The following SHC2 variants were observed in gnomAD, a reference collection of about 807,000 sequenced individuals.
The protein encoded by SHC2 is SHC-transforming protein 2.
Under a neutral mutation model 60.6 loss-of-function variants are expected in SHC2, and 62 were observed. That is an observed-to-expected ratio of 1.02 (90% CI 0.83 to 1.26). The LOEUF (loss-of-function observed/expected upper bound fraction) is 1.26. Among genes scored for constraint, SHC2 ranks in the 50% most tolerant of loss-of-function variants. The pLI is 0.00. For synonymous variants in SHC2, 375 were observed against 372.4 expected, an observed-to-expected ratio of 1.01 and a Z score of -0.08; for missense variants, 873 against 822.2, an observed-to-expected ratio of 1.06 and a Z score of -0.76.
chr19:439,191 G>C (rs1974795972), intron 2 of SHC2, 161 bp from the exon 3 acceptor site: 1 of 281,044 alleles, frequency 3.6e-6, no homozygotes, highest in Admixed American at 4.8e-5. Flanking sequence ...GGGTGGGAGA[G>C]GATCAGGGGG....
intron 4 of SHC2, 55 bp from the exon 5 acceptor site, chr19:436,738 GC>G (rs756179480): frequency 6.6e-7 from 1 of 1,526,466 alleles, no homozygotes. Context: ...AGGGCAGGGG[GC>G]CCGGCAGATG....
rs1434392249 is a variant in SHC2 at position 445,965 on chromosome 19, G to A, written c.469-5033C>T. Among the ~76,000 whole-genome samples, 1 of 151,974 alleles carries A rather than the reference G, an allele frequency of 6.6e-6. No homozygotes were observed. Among genetic ancestry groups the A allele is most frequent in the Non-Finnish European group, 1.5e-5 (1 of 68,010 alleles). ...AGCTACTTGGGAGGCTGAGGCAGGA[G>A]AATCATTTGAACCCAGGAGGCGGAG... On this transcript the variant is annotated intron_variant, in intron 1 of 12. Transcript: ENST00000264554. This position sits in a 1 kb window ranked among gnomAD's most constrained non-coding sequence, Gnocchi z 4.4.
chr19:439,791 T>C (rs1974817376), intron 2 of SHC2, among the ~76,000 whole-genome samples: 1 of 152,048 alleles, frequency 6.6e-6, no homozygotes, highest in African/African-American at 2.4e-5. Flanking sequence ...TTGGGGAGGC[T>C]GAGACGGGCG....
At position 429,354 on chromosome 19, in the gene SHC2, A is replaced by G. The variant is rs536466906; in HGVS notation, c.1174+1330T>C. Among the ~76,000 whole-genome samples the G allele has an allele frequency of 1.7e-3, 236 of 140,288 alleles. 1 individual carries two copies. Among genetic ancestry groups the G allele is most frequent in the African/African-American group, 6.0e-3 (224 of 37,470 alleles). 92.0% of individuals were successfully genotyped at this position (140,288 alleles called of 152,430 possible). A position where few individuals can be genotyped will look rare whatever the true frequency, so the allele number is the denominator to read the frequency against. On this transcript the variant is annotated intron_variant, in intron 9 of 12. Transcript: ENST00000264554. ...GGATGACGCAGTACCTATACCCAAC[A>G]CGCACGGAAACCTAACACCGTGTGG...
At chr19:417,860 G>A (rs1405680151) in intron 12 of SHC2, among the ~76,000 whole-genome samples, 2 of 152,118 alleles carry the variant, frequency 1.3e-5, no homozygotes, top group South Asian at 2.1e-4. Context: ...GGGAGGGGCC[G>A]CCCAGGAGAG....
Position 434,702 on chromosome 19 carries a change from G to A in SHC2, c.1110+7C>T. ...CTGTCCCCATCCCCCCGAGGGCAGA[G>A]GCTGACCTGGTCGAGGGCCGTGAGG... On this transcript the variant is annotated splice_region_variant and intron_variant, in intron 8 of 12. Coordinates refer to ENST00000264554, the MANE Select transcript of SHC2 (RefSeq NM_012435.3). 6.2e-7 allele frequency: 1 copy of A among 1,607,818 alleles called. No homozygotes were observed. The highest frequency in any genetic ancestry group is 1.1e-5 in the South Asian group (1 of 90,578).
chr19:440,875 T>C lies in SHC2; in HGVS notation c.526A>G (p.Thr176Ala), dbSNP rs778521581. The C allele has an allele frequency of 6.2e-7, 1 of 1,612,718 alleles. No individual in the cohort carries two copies. ...TTGGAGGCTCACCTGGTCACCTGCGTGCGCGTGTTAAAGTCCAGGGAGCGC... is the reference window on the plus strand; with the variant it reads ...TTGGAGGCTCACCTGGTCACCTGCGCGCGCGTGTTAAAGTCCAGGGAGCGC... Reference protein sequence around the residue: ...SMRSLDFNTRTQVTREAINRL... With the variant: ...SMRSLDFNTRAQVTREAINRL... The change falls in exon 2 of 13, where the codon ACG (threonine) becomes GCG (alanine). Residue 176 changes from threonine (T) to alanine (A), a missense_variant. Physicochemically the swap from Thr to Ala is moderately conservative, Grantham distance 58. Transcript: ENST00000264554. This position sits in a 1 kb window ranked among gnomAD's most constrained non-coding sequence, Gnocchi z 7.0.
At chr19:427,698 G>A (rs374178744) in intron 9 of SHC2, among the ~76,000 whole-genome samples, 2 of 79,026 alleles carry the variant, frequency 2.5e-5, no homozygotes, top group Non-Finnish European at 2.3e-5. Flanking sequence ...TGCACACGGC[G>A]CAGGGAAGGG....
Position 460,826 on chromosome 19 carries a change from C to G in SHC2, c.171G>C (p.Ser57=), listed in dbSNP as rs1181360684. The stretch of plus-strand genomic sequence containing the variant: ...GCTCGGGTTGGGGGTCCGCGCCCCC[C>G]GAGGCCCCAGCCGCCCGCGCCGCCG... ...GPAAARAAGA[S]GGADPQPEPA... is the part of the protein sequence containing the mutation. Residue 57 remains serine (S), a synonymous_variant, in exon 1 of 13, where the codon TCG becomes TCC. Coordinates refer to ENST00000264554, the MANE Select transcript of SHC2 (RefSeq NM_012435.3). 1 of 981,734 alleles carries G rather than the reference C, an allele frequency of 1.0e-6. No homozygotes were observed. Among genetic ancestry groups the G allele is most frequent in the East Asian group, 1.2e-4 (1 of 8,686 alleles). 60.8% of individuals were successfully genotyped at this position (981,734 alleles called of 1,614,324 possible).
At position 453,849 on chromosome 19, in the gene SHC2, T is replaced by A. The variant is rs148966286; in HGVS notation, c.468+6680A>T. Among the ~76,000 whole-genome samples the A allele has an allele frequency of 6.6e-6, 1 of 152,176 alleles. No individual in the cohort carries two copies. Among genetic ancestry groups the A allele is most frequent in the African/African-American group, 2.4e-5 (1 of 41,446 alleles). On this transcript the variant is annotated intron_variant, in intron 1 of 12. Coordinates refer to ENST00000264554, the MANE Select transcript of SHC2 (RefSeq NM_012435.3). This position sits in a 1 kb window ranked among gnomAD's most constrained non-coding sequence, Gnocchi z 6.3. ...CCAGACACGCACAGGAAACTCTCCC[T>A]GAAGTGCTCACGAGGTGAGGTGCGT...
Position 434,818 on chromosome 19 carries a change from A to C in SHC2, c.1001T>G (p.Leu334Trp), listed in dbSNP as rs775831840. The change falls in exon 8 of 13, where the codon TTG becomes TGG. Residue 334 changes from leucine (L) to tryptophan (W), a missense_variant. By Grantham distance (61) the Leu-to-Trp change is moderately conservative (BLOSUM62 -2). Transcript: ENST00000264554. The part of the protein sequence containing the change: ...ESAWGDEEDS[L>W]EHNYYNSIPG... ...GATGCTGTTGTAGTAATTGTGCTCCAAAGAGTCCTCCTCGTCCCCCCAGGC... is the reference window on the plus strand; with the variant it reads ...GATGCTGTTGTAGTAATTGTGCTCCCAAGAGTCCTCCTCGTCCCCCCAGGC... 1 of 1,612,800 alleles carries C rather than the reference A, an allele frequency of 6.2e-7. No individual in the cohort carries two copies. The highest frequency in any genetic ancestry group is 1.1e-5 in the South Asian group (1 of 91,080).
At position 436,544 on chromosome 19, in the gene SHC2, T is replaced by A. The variant is rs552071144; in HGVS notation, c.774+86A>T. 35 of 1,583,258 alleles carry A rather than the reference T, an allele frequency of 2.2e-5. No homozygotes were observed. In the African/African-American group the frequency reaches 3.6e-4, roughly 16 times the overall value. On this transcript the variant is annotated intron_variant, in intron 5 of 12. Transcript: ENST00000264554. ...CAGTGGATGTGGGCACAGGGTACGT[T>A]AGGCGGGCTCTGGGGAAGGATGAGA...
In SHC2 at chr19:445,061, G is replaced by A. The variant is rs994461220; in HGVS notation, c.469-4129C>T. Among the ~76,000 whole-genome samples, 3 of 152,244 alleles carry A rather than the reference G, an allele frequency of 2.0e-5. No individual in the cohort carries two copies. Among genetic ancestry groups the A allele is most frequent in the African/African-American group, 7.2e-5 (3 of 41,458 alleles). On this transcript the variant is annotated intron_variant, in intron 1 of 12. Coordinates refer to ENST00000264554, the MANE Select transcript of SHC2 (RefSeq NM_012435.3). The surrounding 1 kb of genome is among the most constrained non-coding windows in gnomAD (Gnocchi z 4.4). ...GACCTCAGCTCACTGCATGTCCCAC[G>A]CTCCACGGCGCCCAGTGCTGCCGGC... is the stretch of plus-strand genomic sequence containing the variant.
In SHC2 at chr19:441,052, C is replaced by T; in HGVS notation, c.469-120G>A. ...TGGGGTCGAGCCCTTTCCTCTGTCC[C>T]TGGTGGCTCTGGGGCCGTCGTGCCT... On this transcript the variant is annotated intron_variant, in intron 1 of 12. Transcript: ENST00000264554. This position sits in a 1 kb window ranked among gnomAD's most constrained non-coding sequence, Gnocchi z 4.9. The T allele has an allele frequency of 6.6e-7, 1 of 1,512,588 alleles. No homozygotes were observed. Among genetic ancestry groups the T allele is most frequent in the Non-Finnish European group, 9.0e-7 (1 of 1,114,530 alleles). 93.7% of individuals were successfully genotyped at this position (1,512,588 alleles called of 1,614,324 possible).
chr19:421,467 G>GGA (rs1974272060), intron 11 of SHC2, among the ~76,000 whole-genome samples: 1 of 150,134 alleles, frequency 6.7e-6, no homozygotes, highest in African/African-American at 2.5e-5. Context: ...GGGAGAGAGG[G>GGA]AGGAAGAAGG....
chr19:456,597 CAG>C (rs899252884), intron 1 of SHC2, among the ~76,000 whole-genome samples: 5 of 152,160 alleles, frequency 3.3e-5, no homozygotes, highest in Non-Finnish European at 5.9e-5. Context: ...CCACAGCCCA[CAG>C]AGAGAGTCCC....
At chr19:429,892 C>T (rs1291897561) in intron 9 of SHC2, among the ~76,000 whole-genome samples, 1 of 144,796 alleles carries the variant, frequency 6.9e-6, no homozygotes. Flanking sequence ...CTATATCCAA[C>T]GTGCAGAGAA....
chr19:421,412 A>AAAAAAAAAAAAAAAAG (rs1974269079), intron 11 of SHC2, among the ~76,000 whole-genome samples: 1 of 144,612 alleles, frequency 6.9e-6, no homozygotes, highest in African/African-American at 2.6e-5. Context: ...AAAAAAAAAA[A>AAAAAAAAAAAAAAAAG]AAAAGAAAAG....
At chr19:437,264 T>C in intron 4 of SHC2, among the ~76,000 whole-genome samples, 1 of 152,158 alleles carries the variant, frequency 6.6e-6, no homozygotes, top group South Asian at 2.1e-4. Flanking sequence ...GTTTGCGTGC[T>C]CGTCTGCGTG....
Sources: allele counts gnomAD v4.1 joint callset (sites outside exome capture counted in the v4.1 genomes callset), GRCh38; gene constraint gnomAD v4.1.1; non-coding constraint Gnocchi (gnomAD v3.1); transcripts MANE v1.5; gene names NCBI Gene and HGNC (gene_info 2026-07-23, HGNC 2026-07-21).